LDLRAD3: variants seen among roughly 807,000 people sequenced by gnomAD.
LDLRAD3 encodes low-density lipoprotein receptor class A domain-containing protein 3.
A neutral mutation model predicts 29.4 loss-of-function variants in LDLRAD3; 20 were observed. The ratio of observed to expected loss-of-function variants is 0.68; its 90% CI spans 0.48 to 0.99. The LOEUF (loss-of-function observed/expected upper bound fraction) is 0.99, where lower values mean the gene tolerates loss of function less well. Ranked by LOEUF, LDLRAD3 falls within the 50% of genes least tolerant of loss-of-function variation. The pLI is 0.00. For synonymous variants in LDLRAD3, 157 were observed against 192.7 expected, an observed-to-expected ratio of 0.81 and a Z score of 1.53; for missense variants, 420 against 454.3, an observed-to-expected ratio of 0.92 and a Z score of 0.69.
intron 4 of LDLRAD3, among the ~76,000 whole-genome samples, chr11:36,192,446 T>G (rs956226988): frequency 6.6e-6 from 1 of 152,094 alleles, no homozygotes; most frequent in African/African-American, 2.4e-5. Context: ...GATGAGTGGT[T>G]TTTTGAAAAA....
chr11:36,099,558 G>A (rs559819891), intron 4 of LDLRAD3, among the ~76,000 whole-genome samples: 3 of 152,292 alleles, frequency 2.0e-5, no homozygotes, highest in South Asian at 2.1e-4. Context: ...TAATAAAAGT[G>A]TGAAAAGAAA....
chr11:36,044,131 A>G (rs1319682898), intron 2 of LDLRAD3, among the ~76,000 whole-genome samples: 2 of 152,110 alleles, frequency 1.3e-5, no homozygotes, highest in Admixed American at 1.3e-4. Context: ...TTCTTCCCCC[A>G]GCTTCCATTT....
intron 4 of LDLRAD3, among the ~76,000 whole-genome samples, chr11:36,194,708 T>A (rs147255738): frequency 1.3e-5 from 2 of 152,128 alleles, no homozygotes; most frequent in Non-Finnish European, 1.5e-5. Flanking sequence ...ATGAAGACAA[T>A]AGCTTTGTCC....
chr11:36,019,124 G>T (rs928581037), intron 1 of LDLRAD3, among the ~76,000 whole-genome samples: 1 of 152,048 alleles, frequency 6.6e-6, no homozygotes, highest in African/African-American at 2.4e-5. Flanking sequence ...TGGAGAGTCC[G>T]GCTGTCTGTA....
At chr11:36,048,926 A>T (rs186239382) in intron 2 of LDLRAD3, among the ~76,000 whole-genome samples, 1 of 152,318 alleles carries the variant, frequency 6.6e-6, no homozygotes, top group African/African-American at 2.4e-5. Context: ...GCTTCATTCC[A>T]TCTCGCCAGT....
intron 4 of LDLRAD3, among the ~76,000 whole-genome samples, chr11:36,170,259 C>T (rs6484821): frequency 0.95 from 140,216 of 148,048 alleles, 66,637 homozygotes; most frequent in East Asian, 1. Flanking sequence ...TATATATATA[C>T]ACATATATAT....
At position 36,078,206 on chromosome 11, in the gene LDLRAD3, C is replaced by T. The variant is rs139001574; in HGVS notation, c.194-3447C>T. ...CTGGAAAAGTTCCCACTCCAGTCTG[C>T]GGGACCCACAGCCTGGCCCTCAGGC... On this transcript the variant is annotated intron_variant, in intron 2 of 5. Transcript: ENST00000315571. Among the ~76,000 whole-genome samples the T allele has an allele frequency of 3.1e-3, 476 of 152,280 alleles. 2 individuals carry two copies. Among genetic ancestry groups the T allele is most frequent in the Non-Finnish European group, 5.2e-3 (351 of 68,016 alleles).
chr11:36,068,284 T>C (rs1852830358), intron 2 of LDLRAD3, among the ~76,000 whole-genome samples: 1 of 152,230 alleles, frequency 6.6e-6, no homozygotes, highest in Non-Finnish European at 1.5e-5. Flanking sequence ...AAGCAATTTG[T>C]AGAACCATGA....
intron 4 of LDLRAD3, among the ~76,000 whole-genome samples, chr11:36,205,502 G>A (rs1243563925): frequency 6.6e-6 from 1 of 152,180 alleles, no homozygotes; most frequent in African/African-American, 2.4e-5. Flanking sequence ...ATCTTTAGCT[G>A]AAGGTGTGAA....
intron 4 of LDLRAD3, among the ~76,000 whole-genome samples, chr11:36,185,144 C>T (rs1854827744): frequency 6.6e-6 from 1 of 152,108 alleles, no homozygotes; most frequent in African/African-American, 2.4e-5. Context: ...AGAACCATTC[C>T]TCTGTTTATT....
chr11:35,966,530 GATAAA>G lies in LDLRAD3; in HGVS notation c.46+22392_46+22396del, dbSNP rs1233964129. Among the ~76,000 whole-genome samples the G allele has an allele frequency of 2.6e-5, 4 of 152,212 alleles. No homozygotes were observed. The South Asian group carries it at 6.2e-4, about 24-fold the overall frequency. On this transcript the variant is annotated intron_variant, in intron 1 of 5. Coordinates refer to ENST00000315571, the MANE Select transcript of LDLRAD3 (RefSeq NM_174902.4). ...ATAATAGGAAACAAGGCCAAATTCT[GATAAA>G]ATAAAGGGAAATTGGTGAGGCTTGG...
At chr11:36,171,565 C>T (rs1854599017) in intron 4 of LDLRAD3, among the ~76,000 whole-genome samples, 1 of 151,668 alleles carries the variant, frequency 6.6e-6, no homozygotes, top group Admixed American at 6.6e-5. Context: ...GCTTTCCCCA[C>T]TTTATGTTGT....
intron 3 of LDLRAD3, among the ~76,000 whole-genome samples, chr11:36,091,024 T>G (rs1853272618): frequency 6.6e-6 from 1 of 152,180 alleles, no homozygotes. Context: ...GCAGGGAGAC[T>G]CCTTCAGTGG....
chr11:35,998,630 A>G (rs1851784785), intron 1 of LDLRAD3, among the ~76,000 whole-genome samples: 1 of 152,200 alleles, frequency 6.6e-6, no homozygotes, highest in Non-Finnish European at 1.5e-5. Flanking sequence ...CAGGGAGGTC[A>G]AAGATGTGAG....
At chr11:36,044,801 C>T (rs1852426078) in intron 2 of LDLRAD3, among the ~76,000 whole-genome samples, 1 of 152,244 alleles carries the variant, frequency 6.6e-6, no homozygotes, top group South Asian at 2.1e-4. Flanking sequence ...CTTCTGCATT[C>T]AGATGGGGAC....
At chr11:35,967,545 T>G in intron 1 of LDLRAD3, 1 of 377,808 alleles carries the variant, frequency 2.6e-6, no homozygotes, top group Admixed American at 3.7e-5. Flanking sequence ...TTGAGTTTGC[T>G]TATTGATGTC....
Position 36,071,791 on chromosome 11 carries a change from A to C in LDLRAD3, c.194-9862A>C, listed in dbSNP as rs75491663. On this transcript the variant is annotated intron_variant, in intron 2 of 5. Coordinates refer to ENST00000315571, the MANE Select transcript of LDLRAD3 (RefSeq NM_174902.4). ...TATTGGAAGTGTGGTACCTGGAGCCAGCAGCATCGCCTGGGAGCTTGTTAG... is the reference window on the plus strand; with the variant it reads ...TATTGGAAGTGTGGTACCTGGAGCCCGCAGCATCGCCTGGGAGCTTGTTAG... 2.4e-3 allele frequency among the ~76,000 whole-genome samples: 362 copies of C among 152,334 alleles called. 2 individuals carry two copies. Among genetic ancestry groups the C allele is most frequent in the East Asian group, 0.016 (83 of 5,178 alleles).
chr11:36,081,580 G>A, intron 2 of LDLRAD3, 73 bp from the exon 3 acceptor site: 1 of 1,579,308 alleles, frequency 6.3e-7, no homozygotes, highest in Non-Finnish European at 8.7e-7. Flanking sequence ...TTCACATTCA[G>A]TGTTAGTGGG....
chr11:36,078,518 T>G (rs907892178), intron 2 of LDLRAD3, among the ~76,000 whole-genome samples: 6 of 152,216 alleles, frequency 3.9e-5, no homozygotes, highest in Admixed American at 1.3e-4. Flanking sequence ...TCCTCAACTT[T>G]GCTCCATGAT....
Sources: allele counts gnomAD v4.1 joint callset (sites outside exome capture counted in the v4.1 genomes callset), GRCh38; gene constraint gnomAD v4.1.1; transcripts MANE v1.5; gene names NCBI Gene and HGNC (gene_info 2026-07-23, HGNC 2026-07-21).